DHX35: variants seen among roughly 807,000 people sequenced by gnomAD.
The protein encoded by DHX35 is DEAH-box helicase 35.
Under a neutral mutation model 99.6 loss-of-function variants are expected in DHX35, and 84 were observed. The observed-to-expected ratio is 0.84, with a 90% confidence interval of 0.71 to 1.01. The LOEUF is 1.01. DHX35 is among the 50% of genes least tolerant of loss of function. The pLI is 0.00. For synonymous variants in DHX35, 331 were observed against 316.2 expected, an observed-to-expected ratio of 1.05 and a Z score of -0.50; for missense variants, 852 against 888.5, an observed-to-expected ratio of 0.96 and a Z score of 0.52.
chr20:38,980,550 G>T (rs2086156732), intron 3 of DHX35, among the ~76,000 whole-genome samples: 2 of 144,336 alleles, frequency 1.4e-5, no homozygotes, highest in African/African-American at 2.6e-5. Flanking sequence ...TGGGGTGGTT[G>T]GTAGTATTTT....
intron 8 of DHX35, among the ~76,000 whole-genome samples, chr20:39,001,132 C>T (rs373975472): frequency 2.6e-5 from 4 of 152,256 alleles, no homozygotes; most frequent in African/African-American, 7.2e-5. Context: ...GGGTACTGCA[C>T]GAGTGTTGGG....
At chr20:39,026,535 G>A (rs762865844) in intron 18 of DHX35, among the ~76,000 whole-genome samples, 33 of 152,172 alleles carry the variant, frequency 2.2e-4, no homozygotes, top group Non-Finnish European at 4.9e-4. Flanking sequence ...CATAGAAGAC[G>A]TGCTGGCAGA....
At chr20:39,003,550 G>A (rs1198397461) in intron 10 of DHX35, among the ~76,000 whole-genome samples, 199 bp from the exon 11 acceptor site, 1 of 152,168 alleles carries the variant, frequency 6.6e-6, no homozygotes, top group Non-Finnish European at 1.5e-5. Context: ...TAGTGTAGTT[G>A]CAAAATTTCA....
At chr20:38,970,115 G>T (rs2085971987) in intron 2 of DHX35, among the ~76,000 whole-genome samples, 1 of 152,122 alleles carries the variant, frequency 6.6e-6, no homozygotes, top group Admixed American at 6.5e-5. Context: ...ATCAGACAGG[G>T]TCTTCCTATA....
chr20:38,988,294 A>G (rs1281056840), intron 4 of DHX35, among the ~76,000 whole-genome samples: 1 of 152,076 alleles, frequency 6.6e-6, no homozygotes, highest in East Asian at 1.9e-4. Flanking sequence ...GTATGTTCTT[A>G]TAAGTTGCCC....
chr20:38,982,924 A>C (rs191185947), intron 3 of DHX35, among the ~76,000 whole-genome samples: 23 of 150,190 alleles, frequency 1.5e-4, no homozygotes, highest in African/African-American at 5.0e-4. Context: ...CACTTAATCA[A>C]ATTTTTTTTT....
intron 1 of DHX35, 60 bp downstream of exon 1, chr20:38,962,467 C>T: frequency 6.3e-7 from 1 of 1,579,812 alleles, no homozygotes; most frequent in East Asian, 2.3e-5. Context: ...CTTGGCGCCG[C>T]GGCCGGCGCC....
chr20:39,003,918 C>G lies in DHX35; in HGVS notation c.1011+11C>G. The G allele has an allele frequency of 6.2e-7, 1 of 1,612,894 alleles. No homozygotes were observed. The highest frequency in any genetic ancestry group is 8.5e-7 in the Non-Finnish European group (1 of 1,178,952). Reference sequence around the variant, plus strand: ...CGCAGTGTCAGAAAGGTGAGACTATCCTGATGACCAAGGGTGTTGGCAGCC... The same window carrying G: ...CGCAGTGTCAGAAAGGTGAGACTATGCTGATGACCAAGGGTGTTGGCAGCC... On this transcript the variant is annotated intron_variant, in intron 11 of 21. Coordinates refer to ENST00000252011, the MANE Select transcript of DHX35 (RefSeq NM_021931.4).
At chr20:38,968,851 C>A (rs2085949442) in intron 1 of DHX35, among the ~76,000 whole-genome samples, 1 of 152,146 alleles carries the variant, frequency 6.6e-6, no homozygotes, top group South Asian at 2.1e-4. Flanking sequence ...TGCACCTAAC[C>A]CTGTCTTGTT....
chr20:38,964,083 TATTATA>T (rs1321793828), intron 1 of DHX35, among the ~76,000 whole-genome samples: 1 of 152,244 alleles, frequency 6.6e-6, no homozygotes, highest in Non-Finnish European at 1.5e-5. Flanking sequence ...GATAGGTTAC[TATTATA>T]ATTATATGGA....
chr20:38,999,771 C>T (rs563361138), intron 8 of DHX35, among the ~76,000 whole-genome samples: 1 of 152,316 alleles, frequency 6.6e-6, no homozygotes, highest in Non-Finnish European at 1.5e-5. Context: ...TTTCCTCTGC[C>T]CTCCTCCAAA....
chr20:39,002,500 T>G (rs1158280345), intron 9 of DHX35, among the ~76,000 whole-genome samples: 1 of 152,200 alleles, frequency 6.6e-6, no homozygotes, highest in Non-Finnish European at 1.5e-5. Context: ...CTGATGTCTT[T>G]GCATACTAAA....
intron 3 of DHX35, among the ~76,000 whole-genome samples, chr20:38,980,354 C>T (rs2086152443): frequency 6.6e-6 from 1 of 152,112 alleles, no homozygotes; most frequent in Non-Finnish European, 1.5e-5. Context: ...TATGTGGCCT[C>T]TTTGTTTCCT....
At chr20:38,970,082 T>A (rs555027500) in intron 2 of DHX35, among the ~76,000 whole-genome samples, 8 of 152,114 alleles carry the variant, frequency 5.3e-5, no homozygotes, top group Non-Finnish European at 1.2e-4. Context: ...TATCTGTCTG[T>A]CTGTCTGTCT....
intron 19 of DHX35, chr20:39,029,138 G>A (rs1267470132): frequency 6.6e-6 from 1 of 152,130 alleles, no homozygotes. Flanking sequence ...GCTTTGAATT[G>A]TTACTTTTAT....
chr20:38,993,581 T>G (rs1009106311), intron 7 of DHX35, among the ~76,000 whole-genome samples: 1 of 152,164 alleles, frequency 6.6e-6, no homozygotes. Flanking sequence ...GTCAGGCTGG[T>G]CTTGAACTCC....
rs1156251309 is a variant in DHX35 at position 39,021,849 on chromosome 20, G to A, written c.1507G>A (p.Gly503Ser). The change falls in exon 16 of 22, where the codon GGC becomes AGC. Residue 503 changes from glycine to serine, a missense_variant. Gly to Ser is a moderately conservative substitution (Grantham distance 56). Coordinates refer to ENST00000252011, the MANE Select transcript of DHX35 (RefSeq NM_021931.4). Reference protein sequence around the residue: ...AKMLLESGNFGCSQEILSIAA... With the variant: ...AKMLLESGNFSCSQEILSIAA... ...TGCTTTTTGTTTTACAGGAAACTTC[G>A]GCTGTTCTCAGGAAATTCTAAGCAT... is the stretch of plus-strand genomic sequence containing the variant. The A allele has an allele frequency of 1.2e-6, 2 of 1,614,074 alleles. No homozygotes were observed. Among genetic ancestry groups the A allele is most frequent in the Non-Finnish European group, 1.7e-6 (2 of 1,179,964 alleles).
chr20:38,990,187 T>G (rs537489591), intron 5 of DHX35, among the ~76,000 whole-genome samples: 100 of 152,348 alleles, frequency 6.6e-4, no homozygotes, highest in African/African-American at 2.3e-3. Context: ...GGTCACAATT[T>G]CAAGGTGCTC....
intron 3 of DHX35, among the ~76,000 whole-genome samples, chr20:38,974,067 G>A (rs1398172773): frequency 6.6e-6 from 1 of 152,206 alleles, no homozygotes; most frequent in Non-Finnish European, 1.5e-5. Context: ...CTACCTAAGA[G>A]TAGCATTGCT....
Sources: gnomAD v4.1 joint callset for allele counts (sites outside exome capture counted in the v4.1 genomes callset) on GRCh38, gnomAD v4.1.1 for gene constraint, MANE v1.5 for transcripts, NCBI Gene and HGNC (gene_info 2026-07-23, HGNC 2026-07-21) for gene names.